Variants in CSMD2 observed in about 807,000 individuals in gnomAD.
The protein encoded by CSMD2 is CUB and sushi domain-containing protein 2.
CSMD2 carries 130 observed loss-of-function variants against 398.5 expected under a neutral mutation model. The ratio of observed to expected loss-of-function variants is 0.33; its 90% CI spans 0.28 to 0.38. The LOEUF (loss-of-function observed/expected upper bound fraction) is 0.38, where lower values mean the gene tolerates loss of function less well. Ranked by LOEUF, CSMD2 falls within the 10% of genes least tolerant of loss-of-function variation. The pLI is 1.00. For missense variants in CSMD2, 3,829 were observed against 4,764.9 expected, an observed-to-expected ratio of 0.80 and a Z score of 5.78; for synonymous variants, 1,828 against 1,908.5, an observed-to-expected ratio of 0.96 and a Z score of 1.10.
At chr1:33,949,744 G>A (rs1228514195) in intron 3 of CSMD2, among the ~76,000 whole-genome samples, 1 of 152,138 alleles carries the variant, frequency 6.6e-6, no homozygotes, top group African/African-American at 2.4e-5. Context: ...GTGGCACATG[G>A]CCAAGAGTAC....
At chr1:33,943,961 C>T (rs866224462) in intron 3 of CSMD2, among the ~76,000 whole-genome samples, 1 of 141,574 alleles carries the variant, frequency 7.1e-6, no homozygotes, top group Non-Finnish European at 1.5e-5. Context: ...CACACACACA[C>T]GAAGCAATAA....
At chr1:33,552,324 ACCACTTTGGAAAACAGTTTGG>A (rs1439388830) in intron 55 of CSMD2, among the ~76,000 whole-genome samples, 1 of 152,250 alleles carries the variant, frequency 6.6e-6, no homozygotes, top group African/African-American at 2.4e-5. Flanking sequence ...AAATGGTGCA[ACCACTTTGGAAAACAGTTTGG>A]CAGTTCCTCA....
chr1:33,883,514 T>C (rs1166123269), intron 5 of CSMD2, among the ~76,000 whole-genome samples: 2 of 152,166 alleles, frequency 1.3e-5, no homozygotes, highest in African/African-American at 2.4e-5. Flanking sequence ...CTCTGACTAG[T>C]TGTATCGAGA....
Position 34,120,267 on chromosome 1 carries a change from A to T in CSMD2, c.188-31074T>A, listed in dbSNP as rs1662039171. ...TTTAAAATAGACTCTCAGAAACAGA[A>T]ATTAAGATGGTGATTGTCATGGGCT... On this transcript the variant is annotated intron_variant, in intron 1 of 70. Coordinates refer to ENST00000373381, the MANE Select transcript of CSMD2 (RefSeq NM_001281956.2). Among the ~76,000 whole-genome samples, 4 of 152,186 alleles carry T rather than the reference A, an allele frequency of 2.6e-5. No homozygotes were observed. In the South Asian group the frequency reaches 8.3e-4, roughly 32 times the overall value.
rs982991779 is a variant in CSMD2 at position 33,583,892 on chromosome 1, A to G, written c.7052-62T>C. Reference sequence around the variant, plus strand: ...GTGGAGATGGAACTACGGCCAATACATTTGCTTTTCCCAATACTAAAGACA... The same window carrying G: ...GTGGAGATGGAACTACGGCCAATACGTTTGCTTTTCCCAATACTAAAGACA... On this transcript the variant is annotated intron_variant, in intron 46 of 70. Transcript: ENST00000373381. 9 of 1,456,636 alleles carry G rather than the reference A, an allele frequency of 6.2e-6. No individual in the cohort carries two copies. In the East Asian group the frequency reaches 9.1e-5, roughly 15 times the overall value. The allele number at this position is 1,456,636 out of a possible 1,614,324, so 90.2% of individuals were successfully genotyped here.
Position 33,624,744 on chromosome 1 carries a change from TC to T in CSMD2, c.5501-102del. On this transcript the variant is annotated intron_variant, in intron 34 of 70. Coordinates refer to ENST00000373381, the MANE Select transcript of CSMD2 (RefSeq NM_001281956.2). This position sits in a 1 kb window ranked among gnomAD's most constrained non-coding sequence, Gnocchi z 4.7. Reference sequence around the variant, plus strand: ...GGCCCCCAGCCTCTGTTTGTCCTCCTCCCCATGGGGGTGTCTCCCTAATGTC... The same window carrying T: ...GGCCCCCAGCCTCTGTTTGTCCTCCTCCCATGGGGGTGTCTCCCTAATGTC... 6.9e-7 allele frequency: 1 copy of T among 1,458,592 alleles called. No homozygotes were observed. 90.4% of individuals were successfully genotyped at this position (1,458,592 alleles called of 1,614,324 possible).
At chr1:34,032,142 C>T (rs901556289) in intron 3 of CSMD2, among the ~76,000 whole-genome samples, 1 of 152,090 alleles carries the variant, frequency 6.6e-6, no homozygotes, top group African/African-American at 2.4e-5. Context: ...AAGGAAAAAT[C>T]GATTGTTCTT....
chr1:33,802,379 C>G (rs1159102288), intron 10 of CSMD2, among the ~76,000 whole-genome samples: 1 of 152,208 alleles, frequency 6.6e-6, no homozygotes, highest in African/African-American at 2.4e-5. Context: ...TAAGTTCTTC[C>G]TGTTCCCACA....
intron 3 of CSMD2, among the ~76,000 whole-genome samples, chr1:33,964,238 T>TA (rs61000254): frequency 0.24 from 36,724 of 151,944 alleles, 5,515 homozygotes; most frequent in Non-Finnish European, 0.34. Flanking sequence ...ATGTGGGACT[T>TA]AACCTCTCTA....
chr1:34,009,448 T>C (rs150388245), intron 3 of CSMD2, among the ~76,000 whole-genome samples: 1 of 151,970 alleles, frequency 6.6e-6, no homozygotes, highest in Non-Finnish European at 1.5e-5. Context: ...CGCCCTGATC[T>C]TTCTGGGCCT....
chr1:33,721,167 C>T (rs1294891238), intron 19 of CSMD2, among the ~76,000 whole-genome samples: 2 of 152,192 alleles, frequency 1.3e-5, no homozygotes, highest in Non-Finnish European at 2.9e-5. Flanking sequence ...GCTGAAGTCT[C>T]AACTCCAGGA....
intron 2 of CSMD2, among the ~76,000 whole-genome samples, chr1:34,070,364 GC>G (rs1444874345): frequency 1.3e-4 from 20 of 152,250 alleles, no homozygotes; most frequent in African/African-American, 4.3e-4. Flanking sequence ...GCTGACTGTT[GC>G]CCAAGGCCTT....
intron 5 of CSMD2, chr1:33,882,126 T>C (rs1056181766): frequency 2.0e-5 from 3 of 152,206 alleles, no homozygotes; most frequent in Admixed American, 6.5e-5. Context: ...AAAATTACCT[T>C]CCAAAAAAGT....
At chr1:33,764,688 A>G (rs1416769464) in intron 13 of CSMD2, among the ~76,000 whole-genome samples, 2 of 152,254 alleles carry the variant, frequency 1.3e-5, no homozygotes, top group Non-Finnish European at 2.9e-5. Context: ...AACAGTTCCC[A>G]GGAATATTAT....
rs1307658037 is a variant in CSMD2 at position 33,737,838 on chromosome 1, G to GT, written c.2368+1301dup. Among the ~76,000 whole-genome samples the GT allele has an allele frequency of 3.3e-5, 5 of 152,328 alleles. No homozygotes were observed. In the East Asian group the frequency reaches 9.6e-4, roughly 29 times the overall value. On this transcript the variant is annotated intron_variant, in intron 15 of 70. Coordinates refer to ENST00000373381, the MANE Select transcript of CSMD2 (RefSeq NM_001281956.2). ...GATTCCCTAACCTCATGGAGTTTAC[G>GT]TGACAGTGAAGGCGCAGCTTATGAG...
intron 1 of CSMD2, among the ~76,000 whole-genome samples, chr1:34,148,064 G>A (rs1023491922): frequency 1.3e-5 from 2 of 152,140 alleles, no homozygotes; most frequent in Non-Finnish European, 2.9e-5. Context: ...CACAGCATTG[G>A]GTAAGATGAA....
intron 5 of CSMD2, among the ~76,000 whole-genome samples, chr1:33,896,453 C>T (rs1425670849): frequency 1.3e-5 from 2 of 152,154 alleles, no homozygotes; most frequent in African/African-American, 4.8e-5. Flanking sequence ...ATATAAATAA[C>T]CCCACAAGTA....
In CSMD2 at chr1:33,854,331, T is replaced by C. The variant is rs79964847; in HGVS notation, c.921-7335A>G. Among the ~76,000 whole-genome samples, 684 of 152,288 alleles carry C rather than the reference T, an allele frequency of 4.5e-3. 6 individuals carry two copies. Among genetic ancestry groups the C allele is most frequent in the African/African-American group, 0.015 (626 of 41,552 alleles). On this transcript the variant is annotated intron_variant, in intron 5 of 70. Coordinates refer to ENST00000373381, the MANE Select transcript of CSMD2 (RefSeq NM_001281956.2). ...AAAGAAAGGGCTCAGTAAATATCAC[T>C]CAGTGGAAGAAGGGATGATTGGCCG...
At chr1:33,695,957 G>C (rs1180008049) in intron 24 of CSMD2, among the ~76,000 whole-genome samples, 2 of 152,174 alleles carry the variant, frequency 1.3e-5, no homozygotes, top group Non-Finnish European at 2.9e-5. Context: ...TTCTACTATA[G>C]CATGTGTAAC....
Sources: allele counts gnomAD v4.1 joint callset (sites outside exome capture counted in the v4.1 genomes callset), GRCh38; gene constraint gnomAD v4.1.1; non-coding constraint Gnocchi (gnomAD v3.1); transcripts MANE v1.5; gene names NCBI Gene and HGNC (gene_info 2026-07-23, HGNC 2026-07-21).